Variants in GATAD2B observed in about 807,000 individuals in gnomAD.
GATAD2B encodes the protein GATA zinc finger domain containing 2B.
A neutral mutation model predicts 64.3 loss-of-function variants in GATAD2B; 8 were observed. That is an observed-to-expected ratio of 0.12 (90% confidence interval 0.07 to 0.22). The LOEUF (loss-of-function observed/expected upper bound fraction) is 0.22, where lower values mean the gene tolerates loss of function less well. Among genes scored for constraint, GATAD2B ranks in the 10% least tolerant of loss-of-function variants. The probability of loss-of-function intolerance (pLI) is 1.00; values close to 1 mark genes in which losing one functional copy is unlikely to be tolerated. For synonymous variants in GATAD2B, 281 were observed against 271.3 expected, an observed-to-expected ratio of 1.04 and a Z score of -0.35; for missense variants, 453 against 752.0, an observed-to-expected ratio of 0.60 and a Z score of 4.65.
intron 1 of GATAD2B, among the ~76,000 whole-genome samples, chr1:153,862,316 T>A (rs1457308587): frequency 6.6e-6 from 1 of 151,774 alleles, no homozygotes; most frequent in East Asian, 1.9e-4. Flanking sequence ...AGAGACGGGG[T>A]TTCACCATGT....
rs1485810527 is a variant in GATAD2B, at chr1:153,807,458, T to G, written c.*2719A>C. 1 of 152,096 alleles carries G rather than the reference T, an allele frequency of 6.6e-6. No individual in the cohort carries two copies. 9.4% of individuals were successfully genotyped at this position (152,096 alleles called of 1,614,324 possible). On this transcript the variant is annotated 3_prime_UTR_variant, in exon 11 of 11. Transcript: ENST00000368655. ...AGGGAGACCTCACCTCCATCACTAATCCCTGGGAAGAGTATGAAAATGGGG... is the reference window on the plus strand; with the variant it reads ...AGGGAGACCTCACCTCCATCACTAAGCCCTGGGAAGAGTATGAAAATGGGG...
chr1:153,865,927 G>A (rs1372029014), intron 1 of GATAD2B, among the ~76,000 whole-genome samples: 3 of 151,930 alleles, frequency 2.0e-5, no homozygotes, highest in African/African-American at 4.8e-5. Flanking sequence ...GTTTGAGGCC[G>A]GGCACAGTGG....
chr1:153,853,403 C>T, intron 1 of GATAD2B: 1 of 657,558 alleles, frequency 1.5e-6, no homozygotes, highest in Non-Finnish European at 2.8e-6. Context: ...TCAACTGCAA[C>T]AGATGCCATT....
At chr1:153,856,968 T>C (rs1051046780) in intron 1 of GATAD2B, among the ~76,000 whole-genome samples, 11 of 152,026 alleles carry the variant, frequency 7.2e-5, no homozygotes, top group African/African-American at 2.7e-4. Context: ...GGGTTTCATC[T>C]GAAGACTGAA....
intron 1 of GATAD2B, chr1:153,899,007 A>G (rs1455061766): frequency 6.6e-6 from 1 of 152,236 alleles, no homozygotes; most frequent in Non-Finnish European, 1.5e-5. Flanking sequence ...TTGTGAGGAC[A>G]AGAAATCAGA....
intron 1 of GATAD2B, among the ~76,000 whole-genome samples, chr1:153,906,327 G>C (rs1016293126): frequency 6.6e-6 from 1 of 152,058 alleles, no homozygotes; most frequent in African/African-American, 2.4e-5. Context: ...GCTGAAGCAG[G>C]AGAATCACTT....
Position 153,811,502 on chromosome 1 carries a change from T to C in GATAD2B, c.1648+229A>G, listed in dbSNP as rs544834193. On this transcript the variant is annotated intron_variant, in intron 10 of 10. Transcript: ENST00000368655. ...TACTGAAGGGATATTAAAAGTTAAATTGATAATGGTAGGATCTGGGTCATT... is the reference window on the plus strand; with the variant it reads ...TACTGAAGGGATATTAAAAGTTAAACTGATAATGGTAGGATCTGGGTCATT... 8.8e-5 allele frequency: 51 copies of C among 581,702 alleles called. No individual in the cohort carries two copies. The South Asian group carries it at 1.0e-3, about 12-fold the overall frequency. The allele number at this position is 581,702 out of a possible 1,614,324, so 36.0% of individuals were successfully genotyped here.
chr1:153,899,962 G>A (rs866932948), intron 1 of GATAD2B, among the ~76,000 whole-genome samples: 3 of 152,088 alleles, frequency 2.0e-5, no homozygotes, highest in Admixed American at 2.0e-4. Context: ...TCACTGGAAG[G>A]CTGGTTATCA....
chr1:153,918,137 C>T (rs184386811), intron 1 of GATAD2B, among the ~76,000 whole-genome samples: 68 of 152,276 alleles, frequency 4.5e-4, no homozygotes, highest in African/African-American at 1.6e-3. Flanking sequence ...GGGAAGATGA[C>T]AGCCGATCAA....
At chr1:153,817,928 A>G (rs1674537367) in intron 5 of GATAD2B, 112 bp downstream of exon 5, 2 of 895,334 alleles carry the variant, frequency 2.2e-6, no homozygotes, top group Non-Finnish European at 3.4e-6. Context: ...AATCAGTAGT[A>G]ATAACACCTC....
chr1:153,909,710 G>C (rs1046954211), intron 1 of GATAD2B, among the ~76,000 whole-genome samples: 27 of 150,834 alleles, frequency 1.8e-4, no homozygotes, highest in African/African-American at 5.8e-4. Flanking sequence ...AGGGGGCGGG[G>C]GGGCAGATCA....
In GATAD2B at chr1:153,910,592, T is replaced by C. The variant is rs975460543; in HGVS notation, c.-2+12141A>G. ...CCATTTCTACTAAAAATACAAAAAT[T>C]AGCCAGACGTGGTGGCGAGCACCTG... On this transcript the variant is annotated intron_variant, in intron 1 of 10. Transcript: ENST00000368655. Among the ~76,000 whole-genome samples, 8 of 152,092 alleles carry C rather than the reference T, an allele frequency of 5.3e-5. No individual in the cohort carries two copies. In the East Asian group the frequency reaches 1.2e-3, roughly 22 times the overall value.
chr1:153,855,990 A>G lies in GATAD2B; in HGVS notation c.-1-27642T>C, dbSNP rs146014702. On this transcript the variant is annotated intron_variant, in intron 1 of 10. Transcript: ENST00000368655. ...GAGTCACCGTGCCCAGTCAGCTCCT[A>G]CATTTCTTCTGGAGTCTCTAGAGGA... is the stretch of plus-strand genomic sequence containing the variant. Among the ~76,000 whole-genome samples the G allele has an allele frequency of 2.0e-5, 3 of 152,254 alleles. No homozygotes were observed. In the East Asian group the frequency reaches 5.8e-4, roughly 29 times the overall value.
At chr1:153,884,949 G>A (rs1376757174) in intron 1 of GATAD2B, among the ~76,000 whole-genome samples, 1 of 151,888 alleles carries the variant, frequency 6.6e-6, no homozygotes, top group African/African-American at 2.4e-5. Context: ...TAGAGACAGG[G>A]TTTCACCATG....
intron 1 of GATAD2B, among the ~76,000 whole-genome samples, chr1:153,881,028 T>C (rs996915384): frequency 1.3e-5 from 2 of 151,870 alleles, no homozygotes; most frequent in African/African-American, 4.8e-5. Context: ...GCTCTAAGCC[T>C]CCCCCCTCCC....
At chr1:153,865,589 G>A (rs966667829) in intron 1 of GATAD2B, among the ~76,000 whole-genome samples, 1 of 152,192 alleles carries the variant, frequency 6.6e-6, no homozygotes, top group East Asian at 1.9e-4. Flanking sequence ...TGGTGATGAC[G>A]TGGAACATTC....
intron 1 of GATAD2B, among the ~76,000 whole-genome samples, chr1:153,894,837 G>A (rs1050696227): frequency 3.3e-5 from 5 of 152,078 alleles, no homozygotes; most frequent in Admixed American, 6.6e-5. Flanking sequence ...ACTCCAGCCT[G>A]GGTGACAGGT....
At chr1:153,826,027 G>T (rs557151386) in intron 2 of GATAD2B, among the ~76,000 whole-genome samples, 1 of 145,656 alleles carries the variant, frequency 6.9e-6, no homozygotes, top group Non-Finnish European at 1.5e-5. Context: ...TTTTTCAGAC[G>T]AAGTCTCGCT....
chr1:153,868,726 ATATAC>A (rs1676559358), intron 1 of GATAD2B, among the ~76,000 whole-genome samples: 2 of 150,446 alleles, frequency 1.3e-5, no homozygotes, highest in African/African-American at 4.9e-5. Flanking sequence ...CCACTAATAT[ATATAC>A]TATATACTTT....
Sources: gnomAD v4.1 joint callset for allele counts (sites outside exome capture counted in the v4.1 genomes callset) on GRCh38, gnomAD v4.1.1 for gene constraint, MANE v1.5 for transcripts, NCBI Gene and HGNC (gene_info 2026-07-23, HGNC 2026-07-21) for gene names.